The following ARHGAP24 variants were observed in gnomAD, a reference collection of about 807,000 sequenced individuals.
The protein encoded by ARHGAP24 is rho GTPase-activating protein 24.
In ARHGAP24, 50 loss-of-function variants were observed where a neutral mutation model predicts 76.4. The observed-to-expected ratio is 0.65, with a 90% CI of 0.52 to 0.83. The LOEUF is 0.83. Ranked by LOEUF, ARHGAP24 falls within the 40% of genes least tolerant of loss-of-function variation. ARHGAP24 has a pLI of 0.00. For missense variants in ARHGAP24, 930 were observed against 914.2 expected (o/e 1.02, Z -0.22); for synonymous variants, 345 against 323.3 (o/e 1.07, Z -0.72).
At chr4:85,975,098 C>G (rs757679770) in intron 7 of ARHGAP24, 137 bp downstream of exon 7, 7 of 769,872 alleles carry the variant, frequency 9.1e-6, no homozygotes, top group Admixed American at 2.1e-5. Context: ...AAAGATTGGA[C>G]AAGGTGATCT....
chr4:85,666,951 G>A (rs79396703), intron 2 of ARHGAP24, among the ~76,000 whole-genome samples: 5 of 152,174 alleles, frequency 3.3e-5, no homozygotes, highest in African/African-American at 4.8e-5. Context: ...CATGGGTCAG[G>A]GACCCACTTG....
chr4:85,827,850 A>G, intron 3 of ARHGAP24: 1 of 1,209,438 alleles, frequency 8.3e-7, no homozygotes, highest in Non-Finnish European at 1.1e-6. Context: ...GTGAGCAAAC[A>G]CAGTAGGACC....
At chr4:85,920,469 G>T (rs1171476487) in intron 3 of ARHGAP24, among the ~76,000 whole-genome samples, 4 of 152,182 alleles carry the variant, frequency 2.6e-5, no homozygotes, top group Middle Eastern at 3.4e-3. Flanking sequence ...CATAGACACA[G>T]GCAAAGATTT....
At chr4:85,515,793 A>G (rs1724473669) in intron 1 of ARHGAP24, among the ~76,000 whole-genome samples, 1 of 152,200 alleles carries the variant, frequency 6.6e-6, no homozygotes. Context: ...TGAATCTTTA[A>G]GGTAAACTGT....
intron 3 of ARHGAP24, among the ~76,000 whole-genome samples, chr4:85,834,061 A>G (rs908602491): frequency 1.3e-5 from 2 of 152,228 alleles, no homozygotes; most frequent in East Asian, 1.9e-4. Context: ...TTTATAGTAG[A>G]AGAAATAATC....
At chr4:85,560,439 T>G (rs1216243228) in intron 1 of ARHGAP24, among the ~76,000 whole-genome samples, 2 of 152,188 alleles carry the variant, frequency 1.3e-5, no homozygotes, top group Non-Finnish European at 2.9e-5. Flanking sequence ...AGCAAATGAA[T>G]ACGGAAACGT....
At chr4:85,786,889 T>C (rs1194523681) in intron 3 of ARHGAP24, among the ~76,000 whole-genome samples, 1 of 152,232 alleles carries the variant, frequency 6.6e-6, no homozygotes, top group Non-Finnish European at 1.5e-5. Context: ...GAATCATTAC[T>C]TCTGAATCAC....
chr4:85,610,558 T>C (rs905762526), intron 2 of ARHGAP24, among the ~76,000 whole-genome samples: 2 of 139,314 alleles, frequency 1.4e-5, no homozygotes, highest in African/African-American at 2.7e-5. Flanking sequence ...ATAGACAAAA[T>C]GCAAAGGGTC....
chr4:85,644,751 ATTTTGTAGTTAAC>A (rs1189807027), intron 2 of ARHGAP24, among the ~76,000 whole-genome samples: 1 of 152,084 alleles, frequency 6.6e-6, no homozygotes, highest in East Asian at 1.9e-4. Flanking sequence ...TATTCTTGCC[ATTTTGTAGTTAAC>A]TTTTCTGAAC....
chr4:85,970,347 A>G (rs143390544), intron 5 of ARHGAP24, among the ~76,000 whole-genome samples: 1 of 152,288 alleles, frequency 6.6e-6, no homozygotes, highest in Admixed American at 6.5e-5. Context: ...CTGTCTTGTT[A>G]TTAGATAGTA....
At chr4:85,791,920 A>G (rs1046224577) in intron 3 of ARHGAP24, among the ~76,000 whole-genome samples, 1 of 152,176 alleles carries the variant, frequency 6.6e-6, no homozygotes, top group Admixed American at 6.5e-5. Flanking sequence ...GTATCCTTTA[A>G]TGGAGCTCAA....
chr4:85,709,179 A>C (rs1253788813), intron 2 of ARHGAP24, among the ~76,000 whole-genome samples: 2 of 152,140 alleles, frequency 1.3e-5, no homozygotes, highest in African/African-American at 4.8e-5. Context: ...TGCCTTTCTT[A>C]GTAGTTGTCA....
At chr4:85,971,045 G>A (rs895650927) in intron 5 of ARHGAP24, among the ~76,000 whole-genome samples, 28 of 152,142 alleles carry the variant, frequency 1.8e-4, no homozygotes, top group African/African-American at 6.8e-4. Flanking sequence ...TGTAAAGGAC[G>A]TTAAGTTTTC....
chr4:85,971,233 T>G (rs963036782), intron 5 of ARHGAP24, among the ~76,000 whole-genome samples: 18 of 152,312 alleles, frequency 1.2e-4, no homozygotes, highest in Admixed American at 1.0e-3. Context: ...CACCAACACC[T>G]TCTCAAAAAT....
chr4:85,567,139 G>A (rs1726881963), intron 1 of ARHGAP24, among the ~76,000 whole-genome samples: 1 of 152,040 alleles, frequency 6.6e-6, no homozygotes, highest in Non-Finnish European at 1.5e-5. Context: ...AAGTACAGTG[G>A]GAAGCCAACA....
At chr4:85,839,843 C>CT (rs33974767) in intron 3 of ARHGAP24, among the ~76,000 whole-genome samples, 31,004 of 101,790 alleles carry the variant, frequency 0.3, 7,111 homozygotes, top group Non-Finnish European at 0.37. Flanking sequence ...TTTCTGTTTT[C>CT]TTTTTTTTTT....
intron 3 of ARHGAP24, among the ~76,000 whole-genome samples, chr4:85,850,068 A>C (rs1731131661): frequency 6.6e-6 from 1 of 151,546 alleles, no homozygotes. Context: ...GCTGTGAATC[A>C]ATCTGGTCCT....
intron 3 of ARHGAP24, among the ~76,000 whole-genome samples, chr4:85,773,042 A>G (rs1446132973): frequency 1.3e-5 from 2 of 152,224 alleles, no homozygotes; most frequent in African/African-American, 4.8e-5. Context: ...TGTCTTTTAC[A>G]TAATCAATTC....
At chr4:85,655,814 G>C (rs1481465800) in intron 2 of ARHGAP24, among the ~76,000 whole-genome samples, 1 of 83,964 alleles carries the variant, frequency 1.2e-5, no homozygotes, top group South Asian at 4.4e-4. Flanking sequence ...GAGAGAGAGA[G>C]AGAAAGAGAG....
Sources: allele counts gnomAD v4.1 joint callset (sites outside exome capture counted in the v4.1 genomes callset), GRCh38; gene constraint gnomAD v4.1.1; transcripts MANE v1.5; gene names NCBI Gene and HGNC (gene_info 2026-07-23, HGNC 2026-07-21).